The following CKAP2 variants were observed in gnomAD, a reference collection of about 807,000 sequenced individuals.
CKAP2 encodes the protein cytoskeleton associated protein 2, also known as cytoskeleton-associated protein 2.
A neutral mutation model predicts 58.4 loss-of-function variants in CKAP2; 46 were observed. The ratio of observed to expected loss-of-function variants is 0.79; its 90% CI spans 0.62 to 1.01. The LOEUF (loss-of-function observed/expected upper bound fraction) is 1.01. CKAP2 is among the 50% of genes least tolerant of loss of function. The pLI is 0.00. For synonymous variants in CKAP2, 293 were observed against 280.9 expected (o/e 1.04, Z -0.43); for missense variants, 809 against 796.4 (o/e 1.02, Z -0.19).
intron 6 of CKAP2, 27 bp downstream of exon 6, chr13:52,465,492 C>A: frequency 6.3e-7 from 1 of 1,581,316 alleles, no homozygotes; most frequent in Non-Finnish European, 8.7e-7. Context: ...CTGATCTTTA[C>A]AATTACAGTG....
chr13:52,475,247 G>A lies in CKAP2; in HGVS notation c.*106G>A, dbSNP rs1958812681. Reference sequence around the variant, plus strand: ...GGTCTGGAGTTGGCCATGTACCTATGTATCCTAAGCATTCACGGCAGTGAG... The same window carrying A: ...GGTCTGGAGTTGGCCATGTACCTATATATCCTAAGCATTCACGGCAGTGAG... On this transcript the variant is annotated 3_prime_UTR_variant, in exon 9 of 9. Coordinates refer to ENST00000258607, the MANE Select transcript of CKAP2 (RefSeq NM_018204.5). 7.3e-7 allele frequency: 1 copy of A among 1,376,038 alleles called. No homozygotes were observed. Among genetic ancestry groups the A allele is most frequent in the Non-Finnish European group, 9.9e-7 (1 of 1,014,534 alleles). The allele number at this position is 1,376,038 out of a possible 1,614,324, so 85.2% of individuals were successfully genotyped here. A position where few individuals can be genotyped will look rare whatever the true frequency, so the allele number is the denominator to read the frequency against.
intron 6 of CKAP2, among the ~76,000 whole-genome samples, chr13:52,467,492 T>C (rs919720967): frequency 2.0e-5 from 3 of 152,094 alleles, no homozygotes; most frequent in African/African-American, 7.2e-5. Context: ...CGGCAAATCA[T>C]GAGGTCAGGA....
rs769332653 is a variant in CKAP2 at position 52,465,267 on chromosome 13, T to C, written c.1306-28T>C. The C allele has an allele frequency of 1.0e-5, 16 of 1,585,682 alleles. No individual in the cohort carries two copies. The Admixed American group carries it at 2.5e-4, about 25-fold the overall frequency. On this transcript the variant is annotated intron_variant, in intron 5 of 8. Transcript: ENST00000258607. ...TTCCCACTTTGTAAGCTAAAAAATATTACACACATTTTTTCTTGCTTTTTT... is the reference window on the plus strand; with the variant it reads ...TTCCCACTTTGTAAGCTAAAAAATACTACACACATTTTTTCTTGCTTTTTT...
intron 2 of CKAP2, among the ~76,000 whole-genome samples, chr13:52,458,669 C>G (rs1340845689): frequency 1.3e-5 from 2 of 152,008 alleles, no homozygotes; most frequent in African/African-American, 4.8e-5. Context: ...TCTAGACCAG[C>G]CTGGCCAACA....
intron 2 of CKAP2, 33 bp from the exon 3 acceptor site, chr13:52,460,866 G>C: frequency 1.3e-6 from 2 of 1,593,130 alleles, no homozygotes; most frequent in Non-Finnish European, 1.7e-6. Flanking sequence ...GTACAGGATT[G>C]ATTGATCATT....
At chr13:52,470,553 T>C (rs1489128382) in intron 7 of CKAP2, among the ~76,000 whole-genome samples, 2 of 152,126 alleles carry the variant, frequency 1.3e-5, no homozygotes, top group Non-Finnish European at 2.9e-5. Context: ...AAGAGCATAC[T>C]AAAGTTCTAA....
At chr13:52,468,225 G>A (rs746960351) in intron 6 of CKAP2, 53 bp from the exon 7 acceptor site, 58 of 1,098,332 alleles carry the variant, frequency 5.3e-5, no homozygotes, top group African/African-American at 8.0e-5. Context: ...CCTAGTTAAT[G>A]TCAGAGAAAA....
chr13:52,473,639 T>A, intron 7 of CKAP2, 190 bp from the exon 8 acceptor site: 1 of 506,874 alleles, frequency 2.0e-6, no homozygotes, highest in Non-Finnish European at 3.4e-6. Flanking sequence ...TATATAGCAT[T>A]TATTTCATTT....
At chr13:52,459,400 G>T (rs567253388) in intron 2 of CKAP2, among the ~76,000 whole-genome samples, 1 of 152,084 alleles carries the variant, frequency 6.6e-6, no homozygotes, top group Non-Finnish European at 1.5e-5. Flanking sequence ...TCAGCTCACT[G>T]CAACCTCTGC....
At chr13:52,473,672 T>C (rs1594145453) in intron 7 of CKAP2, 157 bp from the exon 8 acceptor site, 1 of 586,442 alleles carries the variant, frequency 1.7e-6, no homozygotes, top group East Asian at 2.8e-5. Context: ...TGTTATATAG[T>C]TGGCAGCAGT....
chr13:52,470,747 T>C (rs1958750619), intron 7 of CKAP2, among the ~76,000 whole-genome samples: 1 of 152,126 alleles, frequency 6.6e-6, no homozygotes, highest in South Asian at 2.1e-4. Flanking sequence ...ATACAGAACA[T>C]CTATATGATC....
rs1410603298 is a variant in CKAP2, at chr13:52,456,516, T to G, written c.71-7T>G. ...ATTGACTTGTAGCTCTTACCTTTGT[T>G]ATCTAGAGCAAAGAAGACAAAAACT... On this transcript the variant is annotated splice_polypyrimidine_tract_variant and splice_region_variant and intron_variant, in intron 1 of 8. Transcript: ENST00000258607. 1.2e-6 allele frequency: 2 copies of G among 1,601,576 alleles called. No homozygotes were observed. The highest frequency in any genetic ancestry group is 2.7e-5 in the African/African-American group (2 of 74,352).
At chr13:52,469,754 G>A (rs976565416) in intron 7 of CKAP2, among the ~76,000 whole-genome samples, 50 of 150,546 alleles carry the variant, frequency 3.3e-4, no homozygotes, top group Admixed American at 6.6e-5. Context: ...CCGCCACCGC[G>A]CCCGGCTAAT....
At position 52,459,251 on chromosome 13, in the gene CKAP2, AT is replaced by A. The variant is rs532156122; in HGVS notation, c.156-1647del. Among the ~76,000 whole-genome samples, 24 of 152,346 alleles carry A rather than the reference AT, an allele frequency of 1.6e-4. 1 individual carries two copies. In the South Asian group the frequency reaches 1.9e-3, roughly 12 times the overall value. On this transcript the variant is annotated intron_variant, in intron 2 of 8. Coordinates refer to ENST00000258607, the MANE Select transcript of CKAP2 (RefSeq NM_018204.5). ...CTCCAAGCTGACAGAACAAATAGAT[AT>A]GAAAGGCAATGTAAGCAAAATTATT...
chr13:52,472,500 T>C (rs913767494), intron 7 of CKAP2, among the ~76,000 whole-genome samples: 1 of 152,222 alleles, frequency 6.6e-6, no homozygotes, highest in African/African-American at 2.4e-5. Flanking sequence ...GAGGTTTTTT[T>C]TTCCAGCTCA....
intron 5 of CKAP2, among the ~76,000 whole-genome samples, chr13:52,464,076 A>C (rs1161469401): frequency 6.6e-6 from 1 of 152,196 alleles, no homozygotes; most frequent in Non-Finnish European, 1.5e-5. Flanking sequence ...GAGCTAATTA[A>C]TATGTAATAC....
intron 7 of CKAP2, among the ~76,000 whole-genome samples, chr13:52,472,474 CTAA>C (rs912516431): frequency 2.0e-5 from 3 of 151,982 alleles, no homozygotes; most frequent in Non-Finnish European, 4.4e-5. Context: ...AATAATTTTC[CTAA>C]TAATTAAATT....
At position 52,474,892 on chromosome 13, in the gene CKAP2, C is replaced by A; in HGVS notation, c.1803-3C>A. ...AACTCTGGAATATTGTTTTAATTTT[C>A]AGTGTGAAAAAAAAGGTGCAGTTTG... is the stretch of plus-strand genomic sequence containing the variant. On this transcript the variant is annotated splice_polypyrimidine_tract_variant and splice_region_variant and intron_variant, in intron 8 of 8. Transcript: ENST00000258607. 1 of 1,605,872 alleles carries A rather than the reference C, an allele frequency of 6.2e-7. No individual in the cohort carries two copies. Among genetic ancestry groups the A allele is most frequent in the South Asian group, 1.1e-5 (1 of 90,388 alleles).
Position 52,468,280 on chromosome 13 carries a change from T to C in CKAP2, c.1479T>C (p.Pro493=), listed in dbSNP as rs1594141440. 1 of 1,583,262 alleles carries C rather than the reference T, an allele frequency of 6.3e-7. No homozygotes were observed. The highest frequency in any genetic ancestry group is 2.2e-5 in the East Asian group (1 of 44,536). The change falls in exon 7 of 9, where the codon CCT becomes CCC. Residue 493 remains proline, a splice_region_variant and synonymous_variant. Coordinates refer to ENST00000258607, the MANE Select transcript of CKAP2 (RefSeq NM_018204.5). ...YEKAILAGAQ[P]IEEMRHTIVD... ...CTTTCTTCATTAAAAAAATTAAGCC[T>C]ATTGAAGAGATGCGACACACGATTG...
Sources: allele counts gnomAD v4.1 joint callset (sites outside exome capture counted in the v4.1 genomes callset), GRCh38; gene constraint gnomAD v4.1.1; transcripts MANE v1.5; gene names NCBI Gene and HGNC (gene_info 2026-07-23, HGNC 2026-07-21).